The following FGF12 variants were observed in gnomAD, a reference collection of about 807,000 sequenced individuals.
FGF12 encodes the protein fibroblast growth factor 12.
A neutral mutation model predicts 23.6 loss-of-function variants in FGF12; 14 were observed. That is an observed-to-expected ratio of 0.59 (90% CI 0.39 to 0.93). FGF12 has a LOEUF of 0.93. Among genes scored for constraint, FGF12 ranks in the 40% least tolerant of loss-of-function variants. The pLI is 0.00. For missense variants in FGF12, 175 were observed against 217.8 expected (o/e 0.80, Z 1.24); for synonymous variants, 62 against 77.3 (o/e 0.80, Z 1.04).
At chr3:192,343,138 A>G (rs1464715151) in intron 3 of FGF12, among the ~76,000 whole-genome samples, 1 of 152,166 alleles carries the variant, frequency 6.6e-6, no homozygotes, top group African/African-American at 2.4e-5. Context: ...AAAGGTATAA[A>G]AGAGTACAGT....
chr3:192,453,806 T>C (rs1410018446), intron 2 of FGF12, among the ~76,000 whole-genome samples: 2 of 152,166 alleles, frequency 1.3e-5, no homozygotes, highest in Non-Finnish European at 2.9e-5. Context: ...TTTGCCTTGA[T>C]CAGTTAGTTA....
At chr3:192,300,623 T>A (rs1219962822) in intron 4 of FGF12, among the ~76,000 whole-genome samples, 3 of 149,638 alleles carry the variant, frequency 2.0e-5, no homozygotes, top group African/African-American at 7.6e-5. Flanking sequence ...TATAATGTTA[T>A]GTATTTTTTT....
chr3:192,630,409 A>G (rs1715339213), intron 2 of FGF12, among the ~76,000 whole-genome samples: 1 of 151,846 alleles, frequency 6.6e-6, no homozygotes, highest in African/African-American at 2.4e-5. Context: ...AAATGCTTTC[A>G]TTTTATAGAT....
intron 4 of FGF12, among the ~76,000 whole-genome samples, chr3:192,298,719 G>A (rs1715178312): frequency 6.6e-6 from 1 of 152,170 alleles, no homozygotes; most frequent in Non-Finnish European, 1.5e-5. Flanking sequence ...ACTCCAGCCT[G>A]GGTGACAAGC....
intron 4 of FGF12, among the ~76,000 whole-genome samples, chr3:192,220,106 T>C (rs1718394725): frequency 6.6e-6 from 1 of 152,288 alleles, no homozygotes; most frequent in East Asian, 1.9e-4. Flanking sequence ...TGAATCTGTT[T>C]CTGGCTTCCC....
intron 2 of FGF12, among the ~76,000 whole-genome samples, chr3:192,563,781 G>A (rs1712147330): frequency 6.6e-6 from 1 of 152,194 alleles, no homozygotes; most frequent in Non-Finnish European, 1.5e-5. Context: ...CAGATTGCCT[G>A]ATTTGAAATC....
At chr3:192,536,693 G>A (rs1725232347) in intron 2 of FGF12, among the ~76,000 whole-genome samples, 1 of 151,936 alleles carries the variant, frequency 6.6e-6, no homozygotes, top group Non-Finnish European at 1.5e-5. Context: ...CATACTGGGT[G>A]TATTTATGGG....
chr3:192,230,729 C>T (rs1208585923), intron 4 of FGF12, among the ~76,000 whole-genome samples: 1 of 151,906 alleles, frequency 6.6e-6, no homozygotes, highest in East Asian at 1.9e-4. Flanking sequence ...TTTTTTTAAT[C>T]TCTTTATTTT....
chr3:192,683,141 G>T (rs552756290), intron 2 of FGF12, among the ~76,000 whole-genome samples: 1 of 152,156 alleles, frequency 6.6e-6, no homozygotes, highest in Non-Finnish European at 1.5e-5. Context: ...AGGGTCATGG[G>T]AAATCCCCTT....
intron 2 of FGF12, among the ~76,000 whole-genome samples, chr3:192,707,573 C>T (rs1308725050): frequency 6.6e-6 from 1 of 151,804 alleles, no homozygotes; most frequent in African/African-American, 2.4e-5. Flanking sequence ...TGGTGAAACC[C>T]CGTCTCTACT....
At chr3:192,181,350 C>CACGCACACACACAG in intron 4 of FGF12, among the ~76,000 whole-genome samples, 1 of 147,544 alleles carries the variant, frequency 6.8e-6, no homozygotes, top group East Asian at 2.0e-4. Flanking sequence ...ACAAGACCTA[C>CACGCACACACACAG]ACGCACACAC....
chr3:192,303,479 T>G (rs1715454602), intron 4 of FGF12, among the ~76,000 whole-genome samples: 1 of 152,174 alleles, frequency 6.6e-6, no homozygotes, highest in African/African-American at 2.4e-5. Context: ...TGCTGTTAAG[T>G]GCAATGACAT....
intron 2 of FGF12, among the ~76,000 whole-genome samples, chr3:192,435,347 T>C (rs1393747083): frequency 1.3e-5 from 2 of 152,126 alleles, no homozygotes; most frequent in African/African-American, 2.4e-5. Context: ...CAGTGAAAAT[T>C]TTAATTCTGA....
intron 2 of FGF12, among the ~76,000 whole-genome samples, chr3:192,574,627 G>A (rs143096783): frequency 1.3e-5 from 2 of 152,246 alleles, no homozygotes; most frequent in East Asian, 3.9e-4. Context: ...CATTGCTTAG[G>A]GGGGATGAGG....
At chr3:192,234,700 G>A (rs1719191952) in intron 4 of FGF12, among the ~76,000 whole-genome samples, 1 of 152,012 alleles carries the variant, frequency 6.6e-6, no homozygotes, top group African/African-American at 2.4e-5. Flanking sequence ...ATTATTTTGA[G>A]GTATGGTCTT....
chr3:192,628,005 C>T lies in FGF12; in HGVS notation c.13+99176G>A, dbSNP rs927807621. Among the ~76,000 whole-genome samples the T allele has an allele frequency of 2.6e-5, 4 of 152,098 alleles. No individual in the cohort carries two copies. The South Asian group carries it at 6.2e-4, about 24-fold the overall frequency. On this transcript the variant is annotated intron_variant, in intron 2 of 5. Coordinates refer to ENST00000445105, the MANE Select transcript of FGF12 (RefSeq NM_004113.6). Reference sequence around the variant, plus strand: ...ACATACTCTCCTTTCCTTTTCCCACCCTACCAACTGATCTCTAACCTCTGG... The same window carrying T: ...ACATACTCTCCTTTCCTTTTCCCACTCTACCAACTGATCTCTAACCTCTGG...
intron 2 of FGF12, among the ~76,000 whole-genome samples, chr3:192,528,987 A>T (rs1422344094): frequency 6.6e-6 from 1 of 152,194 alleles, no homozygotes; most frequent in Non-Finnish European, 1.5e-5. Context: ...GACCTCTGAC[A>T]TTCCCTGGAG....
intron 2 of FGF12, among the ~76,000 whole-genome samples, chr3:192,370,113 AG>A (rs1719158640): frequency 6.6e-6 from 1 of 152,164 alleles, no homozygotes; most frequent in Admixed American, 6.5e-5. Flanking sequence ...GGGTGCATGC[AG>A]GGGCTGGAGG....
chr3:192,482,274 G>C (rs867619378), intron 2 of FGF12, among the ~76,000 whole-genome samples: 2 of 152,088 alleles, frequency 1.3e-5, no homozygotes, highest in Non-Finnish European at 2.9e-5. Flanking sequence ...TTTATTAAAT[G>C]ATAACCTAAG....
Sources: allele counts gnomAD v4.1 joint callset (sites outside exome capture counted in the v4.1 genomes callset), GRCh38; gene constraint gnomAD v4.1.1; transcripts MANE v1.5; gene names NCBI Gene and HGNC (gene_info 2026-07-23, HGNC 2026-07-21).